The following CNTN6 variants were observed in gnomAD, a reference collection of about 807,000 sequenced individuals.
CNTN6 encodes contactin-6.
CNTN6 carries 137 observed loss-of-function variants against 122.8 expected under a neutral mutation model. The observed-to-expected ratio is 1.12, with a 90% CI of 0.97 to 1.29. The LOEUF is 1.29. Ranked by LOEUF, CNTN6 falls within the 50% of genes most tolerant of loss-of-function variation. CNTN6 has a pLI of 0.00. For missense variants in CNTN6, 1,634 were observed against 1,223.4 expected (o/e 1.34, Z -5.01); for synonymous variants, 570 against 426.0 (o/e 1.34, Z -4.16).
chr3:1,229,947 A>C (rs998913251), intron 4 of CNTN6, among the ~76,000 whole-genome samples: 4 of 152,184 alleles, frequency 2.6e-5, no homozygotes, highest in African/African-American at 9.6e-5. Flanking sequence ...AGCTTGCAAA[A>C]GCAAGGACCA....
At chr3:1,121,797 T>A (rs2091958375) in intron 1 of CNTN6, among the ~76,000 whole-genome samples, 1 of 151,980 alleles carries the variant, frequency 6.6e-6, no homozygotes, top group Non-Finnish European at 1.5e-5. Flanking sequence ...ATTGTTGAGT[T>A]TAGGTAGGCC....
At chr3:1,356,653 G>C (rs1485971104) in intron 12 of CNTN6, among the ~76,000 whole-genome samples, 1 of 151,734 alleles carries the variant, frequency 6.6e-6, no homozygotes, top group Non-Finnish European at 1.5e-5. Flanking sequence ...TTGTCATATC[G>C]TAGTACTTGA....
intron 1 of CNTN6, among the ~76,000 whole-genome samples, chr3:1,136,477 A>G (rs939982491): frequency 6.6e-6 from 1 of 152,178 alleles, no homozygotes; most frequent in Non-Finnish European, 1.5e-5. Flanking sequence ...TCTGTAATGT[A>G]CACTGGCCCT....
Position 1,162,792 on chromosome 3 carries a change from C to T in CNTN6, c.55+14729C>T, listed in dbSNP as rs139267304. ...ACAGATGGGCTTGAAGAACTGGTTTCAGAAGTGCCATCTTCTACTCAACTG... is the reference window on the plus strand; with the variant it reads ...ACAGATGGGCTTGAAGAACTGGTTTTAGAAGTGCCATCTTCTACTCAACTG... On this transcript the variant is annotated intron_variant, in intron 2 of 22. Coordinates refer to ENST00000446702, the MANE Select transcript of CNTN6 (RefSeq NM_001289080.2). 2.0e-5 allele frequency among the ~76,000 whole-genome samples: 3 copies of T among 152,324 alleles called. No individual in the cohort carries two copies. In the East Asian group the frequency reaches 5.8e-4, roughly 29 times the overall value.
At chr3:1,206,965 T>A (rs1283472831) in intron 2 of CNTN6, among the ~76,000 whole-genome samples, 1 of 152,170 alleles carries the variant, frequency 6.6e-6, no homozygotes, top group Non-Finnish European at 1.5e-5. Context: ...TGTTGCTGTG[T>A]CTTCAGGATG....
chr3:1,179,973 TC>T (rs2093523285), intron 2 of CNTN6, among the ~76,000 whole-genome samples: 1 of 152,202 alleles, frequency 6.6e-6, no homozygotes, highest in South Asian at 2.1e-4. Flanking sequence ...TAGGCACATA[TC>T]TTTTTTTAGG....
chr3:1,095,415 G>A (rs2090475079), intron 1 of CNTN6, among the ~76,000 whole-genome samples: 1 of 152,184 alleles, frequency 6.6e-6, no homozygotes, highest in Non-Finnish European at 1.5e-5. Flanking sequence ...AGCTTGCAGT[G>A]AGCAGAGATC....
intron 1 of CNTN6, among the ~76,000 whole-genome samples, chr3:1,132,380 G>T (rs1163270319): frequency 6.6e-6 from 1 of 151,940 alleles, no homozygotes; most frequent in African/African-American, 2.4e-5. Flanking sequence ...CACCTACTCT[G>T]GTGTCCTAAA....
intron 1 of CNTN6, among the ~76,000 whole-genome samples, chr3:1,146,863 G>C (rs773041206): frequency 2.0e-5 from 3 of 152,092 alleles, no homozygotes; most frequent in Non-Finnish European, 2.9e-5. Flanking sequence ...GATGATGTCA[G>C]ATATGAGAAC....
chr3:1,299,129 T>C (rs1201260750), intron 7 of CNTN6, among the ~76,000 whole-genome samples: 1 of 152,190 alleles, frequency 6.6e-6, no homozygotes, highest in Non-Finnish European at 1.5e-5. Context: ...TATTTTATTT[T>C]CATAGAGTAT....
chr3:1,393,660 A>C (rs940779918), intron 20 of CNTN6, among the ~76,000 whole-genome samples: 3 of 152,074 alleles, frequency 2.0e-5, no homozygotes, highest in Non-Finnish European at 2.9e-5. Flanking sequence ...TAAAAAAAAA[A>C]ACACATTGTA....
intron 2 of CNTN6, among the ~76,000 whole-genome samples, chr3:1,181,386 A>C (rs2093551466): frequency 6.6e-6 from 1 of 152,182 alleles, no homozygotes; most frequent in South Asian, 2.1e-4. Flanking sequence ...GTGATTATGC[A>C]TGTATCATCA....
At chr3:1,095,181 C>A (rs1292297468) in intron 1 of CNTN6, among the ~76,000 whole-genome samples, 2 of 150,920 alleles carry the variant, frequency 1.3e-5, no homozygotes, top group South Asian at 2.1e-4. Flanking sequence ...TAAAAAAAAA[C>A]AGAAATATTG....
chr3:1,226,905 C>T (rs2094291578), intron 3 of CNTN6, among the ~76,000 whole-genome samples: 1 of 152,188 alleles, frequency 6.6e-6, no homozygotes, highest in East Asian at 1.9e-4. Flanking sequence ...AAAAAATGGT[C>T]TATGTGACTA....
chr3:1,229,191 G>C lies in CNTN6; in HGVS notation c.358+1198G>C, dbSNP rs117230038. Among the ~76,000 whole-genome samples, 150 of 152,194 alleles carry C rather than the reference G, an allele frequency of 9.9e-4. 6 individuals are homozygous for C. The East Asian group carries it at 0.028, about 29-fold the overall frequency. On this transcript the variant is annotated intron_variant, in intron 4 of 22. Coordinates refer to ENST00000446702, the MANE Select transcript of CNTN6 (RefSeq NM_001289080.2). Reference sequence around the variant, plus strand: ...GGGCCAGTGGCTACTTTCGAACATAGGATAAAAATATTTATAACACTTGAT... The same window carrying C: ...GGGCCAGTGGCTACTTTCGAACATACGATAAAAATATTTATAACACTTGAT...
intron 12 of CNTN6, among the ~76,000 whole-genome samples, chr3:1,360,539 A>G (rs1292761272): frequency 6.6e-6 from 1 of 152,084 alleles, no homozygotes; most frequent in Non-Finnish European, 1.5e-5. Context: ...ATGTATGTAT[A>G]TAAACATACA....
intron 1 of CNTN6, among the ~76,000 whole-genome samples, chr3:1,118,334 A>G (rs2091812224): frequency 1.3e-5 from 2 of 152,188 alleles, no homozygotes; most frequent in Admixed American, 1.3e-4. Context: ...TCTAACCTGT[A>G]TATGACCTGT....
intron 17 of CNTN6, among the ~76,000 whole-genome samples, chr3:1,379,406 T>G (rs368389321): frequency 6.6e-6 from 1 of 152,084 alleles, no homozygotes; most frequent in East Asian, 1.9e-4. Flanking sequence ...CAATAGACGC[T>G]AGCGTCTGCT....
At chr3:1,396,788 C>G (rs896586245) in intron 20 of CNTN6, among the ~76,000 whole-genome samples, 1 of 152,196 alleles carries the variant, frequency 6.6e-6, no homozygotes, top group African/African-American at 2.4e-5. Flanking sequence ...GCATGAAAAA[C>G]AGCTTTACTG....
Sources: allele counts gnomAD v4.1 joint callset (sites outside exome capture counted in the v4.1 genomes callset), GRCh38; gene constraint gnomAD v4.1.1; transcripts MANE v1.5; gene names NCBI Gene and HGNC (gene_info 2026-07-23, HGNC 2026-07-21).